The following CACNA2D3 variants were observed in gnomAD, a reference collection of about 807,000 sequenced individuals.
The protein encoded by CACNA2D3 is voltage-dependent calcium channel subunit alpha-2/delta-3.
Under a neutral mutation model 160.6 loss-of-function variants are expected in CACNA2D3, and 60 were observed. The observed-to-expected ratio is 0.37, with a 90% CI of 0.30 to 0.46. The LOEUF (loss-of-function observed/expected upper bound fraction) is 0.46. Among genes scored for constraint, CACNA2D3 ranks in the 20% least tolerant of loss-of-function variants. The probability of loss-of-function intolerance (pLI) is 1.00; values close to 1 mark genes in which losing one functional copy is unlikely to be tolerated. For synonymous variants in CACNA2D3, 558 were observed against 492.9 expected (o/e 1.13, Z -1.75); for missense variants, 1,205 against 1,365.0 (o/e 0.88, Z 1.85).
intron 3 of CACNA2D3, among the ~76,000 whole-genome samples, chr3:54,370,720 C>T (rs1196981713): frequency 6.6e-6 from 1 of 151,154 alleles, no homozygotes; most frequent in Non-Finnish European, 1.5e-5. Flanking sequence ...AGTCACATAG[C>T]ATATAATTTT....
chr3:54,847,283 A>T (rs1698954201), intron 17 of CACNA2D3, among the ~76,000 whole-genome samples: 2 of 152,264 alleles, frequency 1.3e-5, no homozygotes, highest in South Asian at 4.1e-4. Context: ...ATATAGAATT[A>T]TAAAGAGTAA....
intron 3 of CACNA2D3, among the ~76,000 whole-genome samples, chr3:54,334,172 C>T (rs1338113896): frequency 6.7e-6 from 1 of 149,318 alleles, no homozygotes; most frequent in Admixed American, 6.7e-5. Flanking sequence ...CTGCAACCTC[C>T]GCCTCCCGGG....
At chr3:54,887,877 G>A (rs962662999) in intron 23 of CACNA2D3, 82 bp from the exon 24 acceptor site, 4 of 1,006,552 alleles carry the variant, frequency 4.0e-6, no homozygotes, top group Admixed American at 3.6e-5. Context: ...GCCTGCAGAT[G>A]CTGCACAATG....
chr3:54,669,200 A>G (rs1035971358), intron 11 of CACNA2D3, among the ~76,000 whole-genome samples: 2 of 152,168 alleles, frequency 1.3e-5, no homozygotes, highest in African/African-American at 2.4e-5. Flanking sequence ...ATGCTCTGCT[A>G]TTTTCATCTT....
chr3:55,022,935 C>T (rs1423289390), intron 35 of CACNA2D3, among the ~76,000 whole-genome samples: 3 of 151,980 alleles, frequency 2.0e-5, no homozygotes, highest in Admixed American at 2.0e-4. Flanking sequence ...ACTATTGCTG[C>T]TGCCTATAGT....
At chr3:54,328,548 C>T (rs1312009125) in intron 3 of CACNA2D3, among the ~76,000 whole-genome samples, 2 of 152,218 alleles carry the variant, frequency 1.3e-5, no homozygotes, top group African/African-American at 4.8e-5. Context: ...TCCCAAAGTA[C>T]TGGGATTACA....
Position 55,041,845 on chromosome 3 carries a change from T to C in CACNA2D3, c.2987+23528T>C, listed in dbSNP as rs576756705. Among the ~76,000 whole-genome samples the C allele has an allele frequency of 8.3e-4, 126 of 152,236 alleles. 1 individual carries two copies. The highest frequency in any genetic ancestry group is 2.9e-3 in the African/African-American group (119 of 41,582). On this transcript the variant is annotated intron_variant, in intron 35 of 37. Transcript: ENST00000474759. ...TGGTGATATTCCACAGGTTTTGATA[T>C]GATGCCTTTTACTGTCTTGTAGTTT...
At chr3:54,461,419 A>G (rs867980095) in intron 4 of CACNA2D3, among the ~76,000 whole-genome samples, 57 of 150,362 alleles carry the variant, frequency 3.8e-4, no homozygotes, top group South Asian at 2.7e-3. Flanking sequence ...ACTCTTTTTG[A>G]TTGGTAAGCT....
At chr3:54,252,456 A>G (rs1037843608) in intron 2 of CACNA2D3, among the ~76,000 whole-genome samples, 1 of 152,128 alleles carries the variant, frequency 6.6e-6, no homozygotes, top group African/African-American at 2.4e-5. Context: ...ATTTTTACTC[A>G]TTCTTTCCTT....
intron 2 of CACNA2D3, among the ~76,000 whole-genome samples, chr3:54,159,306 G>A (rs1486145522): frequency 6.6e-6 from 1 of 151,768 alleles, no homozygotes; most frequent in East Asian, 1.9e-4. Flanking sequence ...TCCTTGCTCA[G>A]TGCATTGTGC....
intron 9 of CACNA2D3, among the ~76,000 whole-genome samples, chr3:54,627,026 C>G (rs1348023069): frequency 6.6e-6 from 1 of 152,230 alleles, no homozygotes; most frequent in Non-Finnish European, 1.5e-5. Context: ...TTCCCTGGAG[C>G]TCTTCTGGAT....
At chr3:54,727,786 A>G (rs1701306240) in intron 11 of CACNA2D3, among the ~76,000 whole-genome samples, 1 of 152,178 alleles carries the variant, frequency 6.6e-6, no homozygotes, top group Non-Finnish European at 1.5e-5. Flanking sequence ...AAGGGATAAC[A>G]TTAGGAGAAA....
chr3:54,806,041 T>G (rs1161137060), intron 13 of CACNA2D3, among the ~76,000 whole-genome samples: 1 of 152,196 alleles, frequency 6.6e-6, no homozygotes, highest in Non-Finnish European at 1.5e-5. Flanking sequence ...TAGGTATTGA[T>G]GAGACATATC....
chr3:54,741,587 A>G, intron 11 of CACNA2D3, among the ~76,000 whole-genome samples: 1 of 122,818 alleles, frequency 8.1e-6, no homozygotes. Flanking sequence ...AAGAAAAAAA[A>G]ATAATAAGAA....
Position 54,181,758 on chromosome 3 carries a change from G to T in CACNA2D3, c.204+58164G>T, listed in dbSNP as rs188397120. 6.6e-4 allele frequency among the ~76,000 whole-genome samples: 100 copies of T among 152,214 alleles called. 2 individuals carry two copies. The South Asian group carries it at 0.02, about 30-fold the overall frequency. The stretch of plus-strand genomic sequence containing the variant: ...GGCCAGGTTGCACATGCTTCTTATT[G>T]AAGAAGTAATGGGTCACTGGTTGAC... On this transcript the variant is annotated intron_variant, in intron 2 of 37. Transcript: ENST00000474759.
intron 11 of CACNA2D3, among the ~76,000 whole-genome samples, chr3:54,741,607 A>T (rs1701651161): frequency 6.6e-6 from 1 of 151,934 alleles, no homozygotes; most frequent in Non-Finnish European, 1.5e-5. Flanking sequence ...AAAATAAAAA[A>T]AAAAAAGACT....
At position 54,526,340 on chromosome 3, in the gene CACNA2D3, G is replaced by A. The variant is rs990576445; in HGVS notation, c.544+22686G>A. 5.9e-5 allele frequency among the ~76,000 whole-genome samples: 9 copies of A among 152,066 alleles called. 1 individual carries two copies. Among genetic ancestry groups the A allele is most frequent in the African/African-American group, 2.2e-4 (9 of 41,410 alleles). On this transcript the variant is annotated intron_variant, in intron 5 of 37. Transcript: ENST00000474759. ...CAATTTCTGGTCACTCTCACAGGCAGTTTCTGTTGCCTGCTTGTTTTTTTC... is the reference window on the plus strand; with the variant it reads ...CAATTTCTGGTCACTCTCACAGGCAATTTCTGTTGCCTGCTTGTTTTTTTC...
At chr3:54,964,303 C>G (rs75859718) in intron 27 of CACNA2D3, among the ~76,000 whole-genome samples, 35 of 152,190 alleles carry the variant, frequency 2.3e-4, no homozygotes, top group African/African-American at 8.4e-4. Context: ...GGAGGGAGCC[C>G]TGGGACATCT....
At chr3:54,699,840 A>T (rs996935477) in intron 11 of CACNA2D3, among the ~76,000 whole-genome samples, 3 of 152,192 alleles carry the variant, frequency 2.0e-5, no homozygotes, top group Non-Finnish European at 4.4e-5. Context: ...CTTTTCCTCT[A>T]TCCCTTTGGG....
Sources: gnomAD v4.1 joint callset for allele counts (sites outside exome capture counted in the v4.1 genomes callset) on GRCh38, gnomAD v4.1.1 for gene constraint, MANE v1.5 for transcripts, NCBI Gene and HGNC (gene_info 2026-07-23, HGNC 2026-07-21) for gene names.